The following VTN variants were observed in gnomAD, a reference collection of about 807,000 sequenced individuals.
The protein encoded by VTN is complement S-protein.
Under a neutral mutation model 55.9 loss-of-function variants are expected in VTN, and 45 were observed. The ratio of observed to expected loss-of-function variants is 0.80; its 90% CI spans 0.63 to 1.03. The LOEUF (loss-of-function observed/expected upper bound fraction) is 1.03, where lower values mean the gene tolerates loss of function less well. Among genes scored for constraint, VTN ranks in the 50% least tolerant of loss-of-function variants. The probability of loss-of-function intolerance (pLI) is 0.00; values close to 1 mark genes in which losing one functional copy is unlikely to be tolerated. For synonymous variants in VTN, 238 were observed against 242.3 expected (o/e 0.98, Z 0.17); for missense variants, 589 against 638.2 (o/e 0.92, Z 0.83).
intron 6 of VTN, 127 bp from the exon 7 acceptor site, chr17:28,368,186 C>CT (rs2067922771): frequency 1.2e-6 from 1 of 844,438 alleles, no homozygotes. Context: ...AGAGCCAGGC[C>CT]TTTGACTCTC....
chr17:28,367,693 CA>C (rs2067915736), intron 7 of VTN, 21 bp downstream of exon 7: 1 of 1,601,394 alleles, frequency 6.2e-7, no homozygotes, highest in Admixed American at 1.7e-5. Flanking sequence ...AGACCAGCTT[CA>C]GGGGTGGCAG....
rs2067912922 is a variant in VTN, at chr17:28,367,314, G to T, written c.*55C>A. On this transcript the variant is annotated 3_prime_UTR_variant, in exon 8 of 8. Transcript: ENST00000226218. Reference sequence around the variant, plus strand: ...GCTAAGGGACCTTTATTGGGCTGGGGGAAGGAGATGGGAGGAGGGAGCTAC... The same window carrying T: ...GCTAAGGGACCTTTATTGGGCTGGGTGAAGGAGATGGGAGGAGGGAGCTAC... 2 of 1,253,520 alleles carry T rather than the reference G, an allele frequency of 1.6e-6. No individual in the cohort carries two copies. Among genetic ancestry groups the T allele is most frequent in the African/African-American group, 1.5e-5 (1 of 65,958 alleles). The allele number at this position is 1,253,520 out of a possible 1,614,324, so 77.6% of individuals were successfully genotyped here.
chr17:28,368,139 G>T, intron 6 of VTN, 80 bp from the exon 7 acceptor site: 1 of 1,263,360 alleles, frequency 7.9e-7, no homozygotes. Context: ...GAGTTCATCT[G>T]CTGCACCTTG....
chr17:28,367,450 C>A lies in VTN; in HGVS notation c.1356G>T (p.Arg452=). The change falls in exon 8 of 8, where the codon CGG becomes CGT. Residue 452 remains arginine (R), a synonymous_variant. Coordinates refer to ENST00000226218, the MANE Select transcript of VTN (RefSeq NM_000638.4). ...DKYYRVNLRT[R]RVDTVDPPYP... is the part of the protein sequence containing the mutation. Reference sequence around the variant, plus strand: ...AGGGAGGGTCCACAGTGTCCACTCGCCGTGTGCGAAGATTGACTCGGTAGT... The same window carrying A: ...AGGGAGGGTCCACAGTGTCCACTCGACGTGTGCGAAGATTGACTCGGTAGT... The A allele has an allele frequency of 6.2e-7, 1 of 1,613,706 alleles. No individual in the cohort carries two copies. The highest frequency in any genetic ancestry group is 1.1e-5 in the South Asian group (1 of 91,024).
intron 7 of VTN, 85 bp downstream of exon 7, chr17:28,367,630 T>G (rs1295272815): frequency 6.8e-7 from 1 of 1,476,526 alleles, no homozygotes; most frequent in East Asian, 2.3e-5. Context: ...GGTCACTACT[T>G]GCAGGCTGCG....
Position 28,367,332 on chromosome 17 carries a change from G to A in VTN, c.*37C>T, listed in dbSNP as rs782471952. The A allele has an allele frequency of 7.1e-7, 1 of 1,410,842 alleles. No individual in the cohort carries two copies. Among genetic ancestry groups the A allele is most frequent in the Non-Finnish European group, 9.7e-7 (1 of 1,028,160 alleles). The allele number at this position is 1,410,842 out of a possible 1,614,324, so 87.4% of individuals were successfully genotyped here. On this transcript the variant is annotated 3_prime_UTR_variant, in exon 8 of 8. Transcript: ENST00000226218. ...GGCTGGGGGAAGGAGATGGGAGGAG[G>A]GAGCTACAGAGGGCCCGGCCATGTG...
In VTN at chr17:28,370,277, A is replaced by C; in HGVS notation, c.-74T>G. On this transcript the variant is annotated 5_prime_UTR_variant, in exon 1 of 8. Transcript: ENST00000226218. ...GAAGTCTCCGCTCTGATGCCTGAGG[A>C]AGGGAGGGAGAGGCAGAGACAGGGA... The C allele has an allele frequency of 6.6e-7, 1 of 1,517,912 alleles. No individual in the cohort carries two copies. The highest frequency in any genetic ancestry group is 2.3e-5 in the East Asian group (1 of 44,020). 94.0% of individuals were successfully genotyped at this position (1,517,912 alleles called of 1,614,324 possible).
chr17:28,368,252 C>T (rs1475290790), intron 6 of VTN, among the ~76,000 whole-genome samples, 193 bp from the exon 7 acceptor site: 1 of 151,752 alleles, frequency 6.6e-6, no homozygotes, highest in African/African-American at 2.4e-5. Context: ...GTGTCTCGAC[C>T]CCACCCCCCC....
In VTN at chr17:28,367,855, C is replaced by T. The variant is rs782671103; in HGVS notation, c.1184G>A (p.Arg395Gln). 32 of 1,613,968 alleles carry T rather than the reference C, an allele frequency of 2.0e-5. No homozygotes were observed. The highest frequency in any genetic ancestry group is 1.3e-4 in the South Asian group (12 of 91,086). The change falls in exon 7 of 8, where the codon CGG (arginine) becomes CAG (glutamine). Residue 395 changes from arginine (R) to glutamine (Q), a missense_variant. Arg to Gln is a conservative substitution (Grantham distance 43, BLOSUM62 1). Around this residue, in one of 3 missense-constraint regions of VTN, gnomAD observed 334 missense variants for 328.2 expected, o/e 1.02. Transcript: ENST00000226218. Reference protein sequence around the residue: ...HSRGRNQNSRRPSRATWLSLF... With the variant: ...HSRGRNQNSRQPSRATWLSLF... ...GGACAGCCACGTGGCGCGGGATGGC[C>T]GGCGGGAGTTCTGGTTGCGGCCACG...
Position 28,369,778 on chromosome 17 carries a change from ATTGTTTTTC to A in VTN, c.249_257del (p.Glu83_Asn86delinsAsp). 1 of 1,613,966 alleles carries A rather than the reference ATTGTTTTTC, an allele frequency of 6.2e-7. No individual in the cohort carries two copies. Among genetic ancestry groups the A allele is most frequent in the Non-Finnish European group, 8.5e-7 (1 of 1,180,004 alleles). On this transcript the variant is annotated inframe_deletion, in exon 3 of 8. Transcript: ENST00000226218. The surrounding 1 kb of genome is among the most constrained non-coding windows in gnomAD (Gnocchi z 5.3). ...CCCCCACCTGTTCATGGACAGTGGC[ATTGTTTTTC>A]TCCTCGCCATCGTCATAGACCGTGT...
In VTN at chr17:28,369,926, C is replaced by T; in HGVS notation, c.184+1G>A. 6.2e-7 allele frequency: 1 copy of T among 1,614,016 alleles called. No individual in the cohort carries two copies. The highest frequency in any genetic ancestry group is 8.5e-7 in the Non-Finnish European group (1 of 1,179,976). ...CCCACCCACCTGGGCTCTGAACACA[C>T]CTTGGGGCTTGCACTCAGCCGTATA... On this transcript the variant is annotated splice_donor_variant, in intron 2 of 7. Coordinates refer to ENST00000226218, the MANE Select transcript of VTN (RefSeq NM_000638.4). LOFTEE classifies it high-confidence loss of function. This position sits in a 1 kb window ranked among gnomAD's most constrained non-coding sequence, Gnocchi z 5.3.
rs150241335 is a variant in VTN, at chr17:28,367,411, G to A, written c.1395C>T (p.Ile465=). 8.2e-5 allele frequency: 133 copies of A among 1,612,412 alleles called. No homozygotes were observed. In the African/African-American group the frequency reaches 1.3e-3, roughly 16 times the overall value. Residue 465 remains isoleucine (I), a synonymous_variant, in exon 8 of 8, where the codon ATC becomes ATT. Transcript: ENST00000226218. ...DTVDPPYPRS[I]AQYWLGCPAP... ...CTGGGCAGCCCAGCCAGTACTGAGCGATGGAGCGTGGGTAGGGAGGGTCCA... is the reference window on the plus strand; with the variant it reads ...CTGGGCAGCCCAGCCAGTACTGAGCAATGGAGCGTGGGTAGGGAGGGTCCA...
chr17:28,367,469 CGGTAGTACTTGTCTGGAAGAGA>C lies in VTN; in HGVS notation c.1325-10_1336del. ...CACTCGCCGTGTGCGAAGATTGACT[CGGTAGTACTTGTCTGGAAGAGA>C]GGAAAGCAGAGGATGCGTGAGGCCC... On this transcript the variant is annotated splice_acceptor_variant and splice_polypyrimidine_tract_variant and coding_sequence_variant and intron_variant, in exon 8 of 8. Transcript: ENST00000226218. LOFTEE classifies it high-confidence loss of function. 6.2e-7 allele frequency: 1 copy of C among 1,613,532 alleles called. No homozygotes were observed. The highest frequency in any genetic ancestry group is 8.5e-7 in the Non-Finnish European group (1 of 1,179,824).
chr17:28,367,555 G>T, intron 7 of VTN, 74 bp from the exon 8 acceptor site: 2 of 1,455,746 alleles, frequency 1.4e-6, no homozygotes, highest in Non-Finnish European at 1.9e-6. Flanking sequence ...GAAGTCTAGG[G>T]TCTCTCCCAG....
intron 5 of VTN, 57 bp from the exon 6 acceptor site, chr17:28,368,730 C>T (rs1279468019): frequency 3.1e-6 from 5 of 1,609,826 alleles, no homozygotes; most frequent in Admixed American, 3.3e-5. Flanking sequence ...ACTGGAGATC[C>T]CAGAGGCTGT....
Position 28,370,039 on chromosome 17 carries a change from G to A in VTN, c.72C>T (p.Cys24=). The change falls in exon 2 of 8, where the codon TGC becomes TGT. Residue 24 remains cysteine (C), a synonymous_variant. Coordinates refer to ENST00000226218, the MANE Select transcript of VTN (RefSeq NM_000638.4). ...TGAAGCCCTCAGTGCAGCGGCCCTT[G>A]CATGACTCTATGAGGAAGGAGTGTC... ...AWVALADQES[C]KGRCTEGFNV... The A allele has an allele frequency of 6.2e-7, 1 of 1,614,124 alleles. No homozygotes were observed. Among genetic ancestry groups the A allele is most frequent in the South Asian group, 1.1e-5 (1 of 91,086 alleles).
Position 28,369,121 on chromosome 17 carries a change from A to G in VTN, c.670-93T>C, listed in dbSNP as rs1478593673. 8 of 1,510,712 alleles carry G rather than the reference A, an allele frequency of 5.3e-6. No individual in the cohort carries two copies. The African/African-American group carries it at 9.8e-5, about 19-fold the overall frequency. The allele number at this position is 1,510,712 out of a possible 1,614,324, so 93.6% of individuals were successfully genotyped here. A position where few individuals can be genotyped will look rare whatever the true frequency, so the allele number is the denominator to read the frequency against. Reference sequence around the variant, plus strand: ...CCCTAAGGCAGCCGTTCCCAGGTCCAGGTTCACTGCCCAGGACCTGGAGTC... The same window carrying G: ...CCCTAAGGCAGCCGTTCCCAGGTCCGGGTTCACTGCCCAGGACCTGGAGTC... On this transcript the variant is annotated intron_variant, in intron 4 of 7. Coordinates refer to ENST00000226218, the MANE Select transcript of VTN (RefSeq NM_000638.4). This position sits in a 1 kb window ranked among gnomAD's most constrained non-coding sequence, Gnocchi z 5.3.
At position 28,369,108 on chromosome 17, in the gene VTN, C is replaced by T. The variant is rs2067931965; in HGVS notation, c.670-80G>A. 19 of 1,516,418 alleles carry T rather than the reference C, an allele frequency of 1.3e-5. No individual in the cohort carries two copies. In the East Asian group the frequency reaches 2.5e-4, roughly 20 times the overall value. 93.9% of individuals were successfully genotyped at this position (1,516,418 alleles called of 1,614,324 possible). The stretch of plus-strand genomic sequence containing the variant: ...GCAGAGTCCCTTGCCCTAAGGCAGC[C>T]GTTCCCAGGTCCAGGTTCACTGCCC... On this transcript the variant is annotated intron_variant, in intron 4 of 7. Coordinates refer to ENST00000226218, the MANE Select transcript of VTN (RefSeq NM_000638.4). The surrounding 1 kb of genome is among the most constrained non-coding windows in gnomAD (Gnocchi z 5.3).
In VTN at chr17:28,367,729, A is replaced by C; in HGVS notation, c.1310T>G (p.Phe437Cys). ...PATCEPIQSV[F>C]FFSGDKYYRV... is the part of the protein sequence containing the mutation. ...GCGGCTCCTACCTCCAGAGAAGAAG[A>C]AGACACTCTGGATGGGTTCACAGGT... Residue 437 changes from phenylalanine (F) to cysteine (C), a missense_variant, in exon 7 of 8, where the codon TTC becomes TGC. This residue lies in a region of VTN where 334 missense variants were observed against 328.2 expected (regional missense o/e 1.02). Transcript: ENST00000226218. 3.1e-6 allele frequency: 5 copies of C among 1,610,114 alleles called. No homozygotes were observed. The highest frequency in any genetic ancestry group is 4.2e-6 in the Non-Finnish European group (5 of 1,177,154).
Sources: allele counts gnomAD v4.1 joint callset (sites outside exome capture counted in the v4.1 genomes callset), GRCh38; gene constraint gnomAD v4.1.1; regional missense constraint gnomAD v4.1.1; non-coding constraint Gnocchi (gnomAD v3.1); transcripts MANE v1.5; gene names NCBI Gene and HGNC (gene_info 2026-07-23, HGNC 2026-07-21).